The following SEC63 variants were observed in gnomAD, a reference collection of about 807,000 sequenced individuals.
SEC63 encodes SEC63 protein translocation regulator, also known as translocation protein SEC63 homolog.
A neutral mutation model predicts 116.2 loss-of-function variants in SEC63; 56 were observed. That is an observed-to-expected ratio of 0.48 (90% CI 0.39 to 0.60). The LOEUF (loss-of-function observed/expected upper bound fraction) is 0.60, where lower values mean the gene tolerates loss of function less well. Ranked by LOEUF, SEC63 falls within the 20% of genes least tolerant of loss-of-function variation. The pLI is 0.00. For missense variants in SEC63, 668 were observed against 900.0 expected (o/e 0.74, Z 3.30); for synonymous variants, 273 against 294.6 (o/e 0.93, Z 0.75).
intron 1 of SEC63, among the ~76,000 whole-genome samples, chr6:107,935,845 G>A (rs898360137): frequency 2.0e-5 from 3 of 152,118 alleles, no homozygotes; most frequent in African/African-American, 7.2e-5. Context: ...AATGTTATGT[G>A]ATTCTAAATT....
At position 107,911,379 on chromosome 6, in the gene SEC63, T is replaced by A; in HGVS notation, c.591A>T (p.Gly197=). The A allele has an allele frequency of 1.2e-6, 2 of 1,607,478 alleles. No individual in the cohort carries two copies. The highest frequency in any genetic ancestry group is 1.7e-6 in the Non-Finnish European group (2 of 1,174,368). The change falls in exon 7 of 21, where the codon GGA becomes GGT. Residue 197 remains glycine (G), a synonymous_variant. Coordinates refer to ENST00000369002, the MANE Select transcript of SEC63 (RefSeq NM_007214.5). ...CTGGAAGGATAACCATAAATGCCAA[T>A]CCATATACAAGTAAAACCTAAAATT... is the stretch of plus-strand genomic sequence containing the variant. The part of the protein sequence containing the change: ...KNSILVLLVY[G]LAFMVILPVV...
Position 107,906,476 on chromosome 6 carries a change from T to C in SEC63, c.933A>G (p.Arg311=). 6.2e-7 allele frequency: 1 copy of C among 1,614,166 alleles called. No individual in the cohort carries two copies. Among genetic ancestry groups the C allele is most frequent in the Non-Finnish European group, 8.5e-7 (1 of 1,180,024 alleles). Residue 311 remains arginine, a synonymous_variant, in exon 10 of 21, where the codon AGA becomes AGG. Coordinates refer to ENST00000369002, the MANE Select transcript of SEC63 (RefSeq NM_007214.5). ...CTTCAAGGGTCTCAGGAATTTTCAT[T>C]CTAGCAAGATGAGACAGTAAAAGAA... ...ARVLLLSHLA[R]MKIPETLEED...
Position 107,921,915 on chromosome 6 carries a change from GAAA to G in SEC63, c.340-9_340-7del, listed in dbSNP as rs66526324. 3 of 1,104,754 alleles carry G rather than the reference GAAA, an allele frequency of 2.7e-6. 1 individual carries two copies. Among genetic ancestry groups the G allele is most frequent in the Non-Finnish European group, 1.2e-6 (1 of 814,554 alleles). The allele number at this position is 1,104,754 out of a possible 1,614,324, so 68.4% of individuals were successfully genotyped here. On this transcript the variant is annotated splice_region_variant and splice_polypyrimidine_tract_variant and intron_variant, in intron 3 of 20. Transcript: ENST00000369002. Reference sequence around the variant, plus strand: ...ATTTCTGCTACTGTGGCTCCCTGGGGAAAAACAAAAAAAAAAAACAAGCTTTCT... The same window carrying G: ...ATTTCTGCTACTGTGGCTCCCTGGGGAACAAAAAAAAAAAACAAGCTTTCT...
At chr6:107,953,582 C>T (rs1395604713) in intron 1 of SEC63, among the ~76,000 whole-genome samples, 30 of 146,454 alleles carry the variant, frequency 2.0e-4, no homozygotes, top group Non-Finnish European at 2.6e-4. Flanking sequence ...GGGGGTCAGC[C>T]CCCCGCCCGG....
chr6:107,905,150 G>A (rs1384209407), intron 10 of SEC63, among the ~76,000 whole-genome samples: 1 of 152,124 alleles, frequency 6.6e-6, no homozygotes, highest in Non-Finnish European at 1.5e-5. Flanking sequence ...CATTTATACT[G>A]CATATAATAG....
At chr6:107,892,716 C>T (rs1446459063) in intron 16 of SEC63, among the ~76,000 whole-genome samples, 1 of 152,116 alleles carries the variant, frequency 6.6e-6, no homozygotes, top group Non-Finnish European at 1.5e-5. Context: ...TCCAAATGGC[C>T]AGCAAGCATA....
chr6:107,885,894 AC>A (rs1222520496), intron 16 of SEC63, among the ~76,000 whole-genome samples: 1 of 152,164 alleles, frequency 6.6e-6, no homozygotes, highest in Non-Finnish European at 1.5e-5. Flanking sequence ...GTTCTGGGGT[AC>A]ATGTGCAGAA....
At chr6:107,943,615 C>A (rs1770421830) in intron 1 of SEC63, among the ~76,000 whole-genome samples, 1 of 152,104 alleles carries the variant, frequency 6.6e-6, no homozygotes. Context: ...AGAAACACTA[C>A]AATTTAAAAT....
At chr6:107,935,037 G>A (rs1325431203) in intron 1 of SEC63, among the ~76,000 whole-genome samples, 1 of 135,206 alleles carries the variant, frequency 7.4e-6, no homozygotes, top group Non-Finnish European at 1.6e-5. Flanking sequence ...TCCGGGAGGT[G>A]AGGGGCGCCT....
chr6:107,912,981 GA>G (rs1281893943), intron 5 of SEC63, among the ~76,000 whole-genome samples: 1 of 151,942 alleles, frequency 6.6e-6, no homozygotes, highest in Non-Finnish European at 1.5e-5. Context: ...ATTTTTCAAG[GA>G]AAAAGAAACC....
intron 7 of SEC63, among the ~76,000 whole-genome samples, chr6:107,910,593 CAT>C (rs1217064513): frequency 1.3e-5 from 2 of 151,850 alleles, no homozygotes; most frequent in Non-Finnish European, 2.9e-5. Context: ...ACATGTATGT[CAT>C]ACACACACGT....
intron 1 of SEC63, among the ~76,000 whole-genome samples, chr6:107,954,282 A>C (rs1350711390): frequency 6.6e-6 from 1 of 151,682 alleles, no homozygotes; most frequent in Admixed American, 6.6e-5. Flanking sequence ...GCTCGTTAAG[A>C]GTCATCACCA....
chr6:107,954,464 T>TAAAAAAAAAAAAAATAAA (rs1770664384), intron 1 of SEC63: 1 of 61,708 alleles, frequency 1.6e-5, no homozygotes, highest in Non-Finnish European at 2.8e-5. Context: ...AATGATCAAT[T>TAAAAAAAAAAAAAATAAA]AAAAAAAAAA....
chr6:107,934,293 C>T (rs1173941572), intron 1 of SEC63, among the ~76,000 whole-genome samples: 2 of 150,286 alleles, frequency 1.3e-5, no homozygotes, highest in East Asian at 2.0e-4. Context: ...TCTGCCCGGC[C>T]GCCATCCCAT....
At position 107,900,697 on chromosome 6, in the gene SEC63, T is replaced by C. The variant is rs367563545; in HGVS notation, c.1357+673A>G. Among the ~76,000 whole-genome samples, 50 of 152,268 alleles carry C rather than the reference T, an allele frequency of 3.3e-4. No individual in the cohort carries two copies. The East Asian group carries it at 6.6e-3, about 20-fold the overall frequency. On this transcript the variant is annotated intron_variant, in intron 13 of 20. Coordinates refer to ENST00000369002, the MANE Select transcript of SEC63 (RefSeq NM_007214.5). ...ATAAAGACAGAAACCATTATTAATA[T>C]ATCCCTGTATTCTTGGTAACTAAAA...
chr6:107,895,429 C>T (rs940880639), intron 14 of SEC63, among the ~76,000 whole-genome samples: 4 of 152,102 alleles, frequency 2.6e-5, no homozygotes, highest in Non-Finnish European at 5.9e-5. Context: ...GATTTTCAGG[C>T]CAGGCTTGGT....
intron 4 of SEC63, among the ~76,000 whole-genome samples, chr6:107,920,841 T>A (rs1474574702): frequency 6.6e-6 from 1 of 152,194 alleles, no homozygotes; most frequent in Non-Finnish European, 1.5e-5. Flanking sequence ...GCACAAATGT[T>A]CCTCAAACTT....
chr6:107,922,184 A>G (rs1787573313), intron 3 of SEC63, among the ~76,000 whole-genome samples: 1 of 152,244 alleles, frequency 6.6e-6, no homozygotes, highest in African/African-American at 2.4e-5. Context: ...GTGAAAACAG[A>G]TGACAAATTT....
Position 107,903,015 on chromosome 6 carries a change from A to G in SEC63, c.1055-17T>C, listed in dbSNP as rs1286371321. On this transcript the variant is annotated splice_polypyrimidine_tract_variant and intron_variant, in intron 11 of 20. Transcript: ENST00000369002. ...ACTCCCTTTCTTAGAAAGAACAGGA[A>G]AAAAAGAAACAGGGCTGGACTTTTT... The G allele has an allele frequency of 1.9e-6, 3 of 1,613,910 alleles. No homozygotes were observed. Among genetic ancestry groups the G allele is most frequent in the Non-Finnish European group, 2.5e-6 (3 of 1,179,888 alleles).
Sources: allele counts gnomAD v4.1 joint callset (sites outside exome capture counted in the v4.1 genomes callset), GRCh38; gene constraint gnomAD v4.1.1; transcripts MANE v1.5; gene names NCBI Gene and HGNC (gene_info 2026-07-23, HGNC 2026-07-21).